The following SLCO6A1 variants were observed in gnomAD, a reference collection of about 807,000 sequenced individuals.
SLCO6A1 encodes solute carrier organic anion transporter family member 6A1.
In SLCO6A1, 65 loss-of-function variants were observed where a neutral mutation model predicts 72.7. The observed-to-expected ratio is 0.89, with a 90% CI of 0.73 to 1.10. The LOEUF (loss-of-function observed/expected upper bound fraction) is 1.10. Ranked by LOEUF, SLCO6A1 falls within the 50% of genes least tolerant of loss-of-function variation. The probability of loss-of-function intolerance (pLI) is 0.00; values close to 1 mark genes in which losing one functional copy is unlikely to be tolerated. For missense variants in SLCO6A1, 874 were observed against 872.6 expected, an observed-to-expected ratio of 1.00 and a Z score of -0.02; for synonymous variants, 314 against 298.2, an observed-to-expected ratio of 1.05 and a Z score of -0.55.
intron 7 of SLCO6A1, among the ~76,000 whole-genome samples, chr5:102,427,715 G>C (rs1171176946): frequency 6.6e-6 from 1 of 151,462 alleles, no homozygotes. Context: ...ATTGACTTTA[G>C]TTAGTAATAT....
chr5:102,426,490 T>A (rs7731845), intron 7 of SLCO6A1, among the ~76,000 whole-genome samples: 6 of 151,960 alleles, frequency 3.9e-5, no homozygotes, highest in African/African-American at 1.5e-4. Context: ...AAAGAAGACA[T>A]TTATGTGGTC....
chr5:102,483,515 G>A (rs947232340), intron 1 of SLCO6A1, among the ~76,000 whole-genome samples: 4 of 152,120 alleles, frequency 2.6e-5, no homozygotes, highest in Non-Finnish European at 4.4e-5. Context: ...AAACCAATTG[G>A]TGTCTAGAAC....
intron 9 of SLCO6A1, 101 bp from the exon 10 acceptor site, chr5:102,399,843 C>A: frequency 5.3e-6 from 4 of 755,774 alleles, no homozygotes; most frequent in Non-Finnish European, 7.9e-6. Flanking sequence ...CAAGGAGACT[C>A]ATTAGTTTTA....
At chr5:102,373,820 TAA>T (rs1262834903) in intron 12 of SLCO6A1, among the ~76,000 whole-genome samples, 5 of 152,142 alleles carry the variant, frequency 3.3e-5, no homozygotes, top group Non-Finnish European at 7.4e-5. Context: ...GAACCAGAGC[TAA>T]GTCATTTCAT....
chr5:102,453,179 T>C (rs1750518398), intron 6 of SLCO6A1, among the ~76,000 whole-genome samples: 1 of 151,976 alleles, frequency 6.6e-6, no homozygotes, highest in Admixed American at 6.6e-5. Flanking sequence ...CTGGGCAACA[T>C]AGTGAGATTT....
intron 10 of SLCO6A1, among the ~76,000 whole-genome samples, chr5:102,397,166 G>C (rs1462943103): frequency 1.3e-5 from 2 of 152,102 alleles, no homozygotes; most frequent in South Asian, 4.1e-4. Flanking sequence ...TTTTTTTGGT[G>C]AGTTTTCATT....
At chr5:102,473,380 T>G (rs75409565) in intron 4 of SLCO6A1, among the ~76,000 whole-genome samples, 2,370 of 152,180 alleles carry the variant, frequency 0.016, 60 homozygotes, top group African/African-American at 0.054. Flanking sequence ...CACATGATCA[T>G]GTCAATTGAT....
chr5:102,423,401 T>C (rs1031394650), intron 7 of SLCO6A1, among the ~76,000 whole-genome samples: 1 of 151,990 alleles, frequency 6.6e-6, no homozygotes, highest in Non-Finnish European at 1.5e-5. Context: ...AAGACACACA[T>C]AGGCTCAAAA....
In SLCO6A1 at chr5:102,442,734, T is replaced by C. The variant is rs1182860754; in HGVS notation, c.1132-3973A>G. 2.0e-5 allele frequency among the ~76,000 whole-genome samples: 3 copies of C among 152,202 alleles called. No individual in the cohort carries two copies. In the East Asian group the frequency reaches 5.8e-4, roughly 29 times the overall value. On this transcript the variant is annotated intron_variant, in intron 6 of 13. Coordinates refer to ENST00000506729, the MANE Select transcript of SLCO6A1 (RefSeq NM_173488.5). Reference sequence around the variant, plus strand: ...CATAAAAGTAAGAAAACGAATACACTTTCTCAGTAGCTAAACAATTCAGCA... The same window carrying C: ...CATAAAAGTAAGAAAACGAATACACCTTCTCAGTAGCTAAACAATTCAGCA...
intron 11 of SLCO6A1, among the ~76,000 whole-genome samples, chr5:102,389,701 T>G (rs926172513): frequency 6.6e-6 from 1 of 152,084 alleles, no homozygotes; most frequent in Non-Finnish European, 1.5e-5. Flanking sequence ...CTTTTTTCAA[T>G]CCATCATACA....
intron 1 of SLCO6A1, among the ~76,000 whole-genome samples, chr5:102,498,144 T>C (rs1030349046): frequency 3.9e-5 from 6 of 152,178 alleles, no homozygotes; most frequent in African/African-American, 1.2e-4. Flanking sequence ...CCAAATTATC[T>C]TTAAAAACTC....
intron 12 of SLCO6A1, among the ~76,000 whole-genome samples, chr5:102,385,681 T>C (rs1228741984): frequency 1.3e-5 from 2 of 152,116 alleles, no homozygotes; most frequent in African/African-American, 4.8e-5. Flanking sequence ...TCTATTGTAT[T>C]CTCATTTTGT....
At chr5:102,435,760 A>G (rs2112669674) in intron 7 of SLCO6A1, among the ~76,000 whole-genome samples, 1 of 152,196 alleles carries the variant, frequency 6.6e-6, no homozygotes, top group East Asian at 1.9e-4. Context: ...CTATAATCCC[A>G]GCTACTCGGA....
intron 6 of SLCO6A1, among the ~76,000 whole-genome samples, chr5:102,450,353 G>A (rs758294648): frequency 1.3e-5 from 2 of 152,194 alleles, no homozygotes; most frequent in Non-Finnish European, 2.9e-5. Context: ...ATCTTTATTT[G>A]TGACAGAATT....
chr5:102,477,018 G>T (rs1751935026), intron 3 of SLCO6A1, among the ~76,000 whole-genome samples: 1 of 152,020 alleles, frequency 6.6e-6, no homozygotes, highest in Non-Finnish European at 1.5e-5. Flanking sequence ...TGTAAATAGG[G>T]ATAGTATGCT....
chr5:102,405,405 A>G (rs1465060216), intron 9 of SLCO6A1, among the ~76,000 whole-genome samples: 1 of 151,672 alleles, frequency 6.6e-6, no homozygotes, highest in Admixed American at 6.6e-5. Context: ...ATTTAAAAAA[A>G]AAAGAAATAC....
At chr5:102,448,403 C>T (rs1301853339) in intron 6 of SLCO6A1, among the ~76,000 whole-genome samples, 1 of 152,062 alleles carries the variant, frequency 6.6e-6, no homozygotes, top group African/African-American at 2.4e-5. Context: ...GGTCAAGTGT[C>T]AAGTTTAGGT....
chr5:102,457,949 T>C (rs978341465), intron 6 of SLCO6A1, among the ~76,000 whole-genome samples: 1 of 152,090 alleles, frequency 6.6e-6, no homozygotes, highest in African/African-American at 2.4e-5. Flanking sequence ...ATGTCCTTTG[T>C]AGGGACATGG....
intron 7 of SLCO6A1, among the ~76,000 whole-genome samples, chr5:102,434,292 A>T (rs549898357): frequency 1.1e-4 from 17 of 152,162 alleles, no homozygotes; most frequent in African/African-American, 3.6e-4. Flanking sequence ...CCCTCTGGAC[A>T]CTCTTTATCA....
Sources: allele counts gnomAD v4.1 joint callset (sites outside exome capture counted in the v4.1 genomes callset), GRCh38; gene constraint gnomAD v4.1.1; transcripts MANE v1.5; gene names NCBI Gene and HGNC (gene_info 2026-07-23, HGNC 2026-07-21).